PPM1E: variants seen among roughly 807,000 people sequenced by gnomAD.
PPM1E encodes protein phosphatase, Mg2+/Mn2+ dependent 1E, also known as protein phosphatase 1E.
PPM1E carries 20 observed loss-of-function variants against 65.9 expected under a neutral mutation model. The observed-to-expected ratio is 0.30, with a 90% confidence interval of 0.21 to 0.44. The LOEUF is 0.44. Among genes scored for constraint, PPM1E ranks in the 20% least tolerant of loss-of-function variants. PPM1E has a pLI of 1.00. For missense variants in PPM1E, 713 were observed against 953.1 expected, an observed-to-expected ratio of 0.75 and a Z score of 3.32; for synonymous variants, 352 against 374.9, an observed-to-expected ratio of 0.94 and a Z score of 0.70.
chr17:58,848,988 T>TGGGA (rs2050798469), intron 1 of PPM1E, among the ~76,000 whole-genome samples: 1 of 152,220 alleles, frequency 6.6e-6, no homozygotes, highest in African/African-American at 2.4e-5. Context: ...AACTTCTTCC[T>TGGGA]GGTTTAGTCT....
intron 1 of PPM1E, among the ~76,000 whole-genome samples, chr17:58,925,819 C>T (rs183520521): frequency 6.6e-6 from 1 of 152,072 alleles, no homozygotes; most frequent in East Asian, 1.9e-4. Flanking sequence ...TTCTCCCGTT[C>T]TGTAGGTATA....
chr17:58,889,620 G>A (rs1199637319), intron 1 of PPM1E, among the ~76,000 whole-genome samples: 1 of 152,054 alleles, frequency 6.6e-6, no homozygotes, highest in Non-Finnish European at 1.5e-5. Flanking sequence ...AATTATTTTA[G>A]ATTTTTTTCT....
intron 1 of PPM1E, among the ~76,000 whole-genome samples, chr17:58,908,757 T>C (rs2051588715): frequency 6.6e-6 from 1 of 152,152 alleles, no homozygotes; most frequent in Non-Finnish European, 1.5e-5. Flanking sequence ...ATACTTCTTT[T>C]AGTGGTTGCT....
At chr17:58,811,395 G>A (rs888314555) in intron 1 of PPM1E, among the ~76,000 whole-genome samples, 1 of 152,090 alleles carries the variant, frequency 6.6e-6, no homozygotes, top group African/African-American at 2.4e-5. Context: ...GCCTTTTAAC[G>A]CAGAAAATTT....
At chr17:58,861,246 A>T (rs770174946) in intron 1 of PPM1E, among the ~76,000 whole-genome samples, 2 of 152,226 alleles carry the variant, frequency 1.3e-5, no homozygotes, top group African/African-American at 2.4e-5. Context: ...TTGCAAGAAG[A>T]TGTTTGCTTC....
At chr17:58,776,566 A>C (rs186912036) in intron 1 of PPM1E, among the ~76,000 whole-genome samples, 22 of 152,308 alleles carry the variant, frequency 1.4e-4, no homozygotes, top group African/African-American at 5.3e-4. Context: ...CACAGGAATA[A>C]AATATTTGTC....
At chr17:58,816,780 ATATATATATATATATTTTT>A (rs2050426360) in intron 1 of PPM1E, among the ~76,000 whole-genome samples, 9 of 9,104 alleles carry the variant, frequency 9.9e-4, no homozygotes, top group South Asian at 5.5e-3. Flanking sequence ...ATATATATAT[ATATATATATATATATTTTT>A]TTTTTTTTTT....
chr17:58,941,960 G>A (rs1210909166), intron 1 of PPM1E, among the ~76,000 whole-genome samples: 3 of 146,766 alleles, frequency 2.0e-5, no homozygotes, highest in Non-Finnish European at 3.0e-5. Context: ...AGCCAAGATC[G>A]CGCCATTGCA....
chr17:58,860,416 T>C (rs1037228698), intron 1 of PPM1E, among the ~76,000 whole-genome samples: 2 of 152,200 alleles, frequency 1.3e-5, no homozygotes, highest in African/African-American at 4.8e-5. Context: ...TATTCCTTAG[T>C]TTTCCATCCC....
At chr17:58,806,898 G>T (rs983980889) in intron 1 of PPM1E, among the ~76,000 whole-genome samples, 1 of 151,268 alleles carries the variant, frequency 6.6e-6, no homozygotes, top group Non-Finnish European at 1.5e-5. Context: ...GTAGATACAG[G>T]GTTTTACCAT....
At chr17:58,843,004 G>A (rs2050734612) in intron 1 of PPM1E, among the ~76,000 whole-genome samples, 1 of 151,806 alleles carries the variant, frequency 6.6e-6, no homozygotes, top group Non-Finnish European at 1.5e-5. Flanking sequence ...TGTAGAACAG[G>A]CCGGGCGCTG....
intron 2 of PPM1E, among the ~76,000 whole-genome samples, chr17:58,965,475 T>C (rs1327228397): frequency 1.3e-5 from 2 of 152,070 alleles, no homozygotes. Context: ...CCTCATGACA[T>C]AAGAATATTT....
At position 58,755,863 on chromosome 17, in the gene PPM1E, CAA is replaced by C. The variant is rs2049752142; in HGVS notation, c.-134_-133del. 1 of 1,435,460 alleles carries C rather than the reference CAA, an allele frequency of 7.0e-7. No homozygotes were observed. The highest frequency in any genetic ancestry group is 1.5e-5 in the African/African-American group (1 of 68,342). 88.9% of individuals were successfully genotyped at this position (1,435,460 alleles called of 1,614,324 possible). Reference sequence around the variant, plus strand: ...CACGCCTGCGGGAGCCCTCTCCAGGCAACCTAGTGCTGATCGCTCGTGCCGGT... The same window carrying C: ...CACGCCTGCGGGAGCCCTCTCCAGGCCCTAGTGCTGATCGCTCGTGCCGGT... On this transcript the variant is annotated 5_prime_UTR_variant, in exon 1 of 7. Coordinates refer to ENST00000308249, the MANE Select transcript of PPM1E (RefSeq NM_014906.5).
intron 1 of PPM1E, among the ~76,000 whole-genome samples, chr17:58,818,730 G>A (rs534639623): frequency 1.2e-3 from 180 of 152,114 alleles, no homozygotes; most frequent in Non-Finnish European, 2.0e-3. Context: ...TTATTTTTGA[G>A]TGCTTCTCTA....
At chr17:58,758,388 C>T (rs550467860) in intron 1 of PPM1E, among the ~76,000 whole-genome samples, 1 of 151,962 alleles carries the variant, frequency 6.6e-6, no homozygotes, top group South Asian at 2.1e-4. Flanking sequence ...ATTAGCTGGG[C>T]GTGGTGTCGC....
intron 1 of PPM1E, among the ~76,000 whole-genome samples, chr17:58,782,349 C>T (rs1219575030): frequency 6.6e-6 from 1 of 150,912 alleles, no homozygotes; most frequent in African/African-American, 2.4e-5. Context: ...TTTTAAAAGG[C>T]AAGTGCAACT....
At chr17:58,768,909 T>C (rs2049908663) in intron 1 of PPM1E, among the ~76,000 whole-genome samples, 2 of 152,182 alleles carry the variant, frequency 1.3e-5, no homozygotes, top group African/African-American at 2.4e-5. Context: ...CCTCAGGTGT[T>C]CCACCTGCCT....
chr17:58,932,493 A>T (rs925784272), intron 1 of PPM1E, among the ~76,000 whole-genome samples: 2 of 152,164 alleles, frequency 1.3e-5, no homozygotes, highest in African/African-American at 4.8e-5. Flanking sequence ...CACTAGCAGG[A>T]GGATGTACTC....
intron 1 of PPM1E, among the ~76,000 whole-genome samples, chr17:58,805,660 C>T (rs1195474417): frequency 1.3e-5 from 2 of 151,858 alleles, no homozygotes; most frequent in African/African-American, 2.4e-5. Flanking sequence ...CCAGATATTT[C>T]ATAATAATAA....
Sources: allele counts gnomAD v4.1 joint callset (sites outside exome capture counted in the v4.1 genomes callset), GRCh38; gene constraint gnomAD v4.1.1; transcripts MANE v1.5; gene names NCBI Gene and HGNC (gene_info 2026-07-23, HGNC 2026-07-21).